The following KCNA4 variants were observed in gnomAD, a reference collection of about 807,000 sequenced individuals.
The protein encoded by KCNA4 is potassium voltage-gated channel subfamily A member 4.
Under a neutral mutation model 37.2 loss-of-function variants are expected in KCNA4, and 5 were observed. The ratio of observed to expected loss-of-function variants is 0.13; its 90% confidence interval spans 0.07 to 0.28. KCNA4 has a LOEUF of 0.28. Ranked by LOEUF, KCNA4 falls within the 10% of genes least tolerant of loss-of-function variation. The pLI is 1.00. For missense variants in KCNA4, 634 were observed against 817.4 expected, an observed-to-expected ratio of 0.78 and a Z score of 2.74; for synonymous variants, 350 against 311.8, an observed-to-expected ratio of 1.12 and a Z score of -1.29.
In KCNA4 at chr11:30,011,214, C is replaced by A; in HGVS notation, c.1465G>T (p.Val489Phe). 6.2e-7 allele frequency: 1 copy of A among 1,614,116 alleles called. No individual in the cohort carries two copies. The highest frequency in any genetic ancestry group is 8.5e-7 in the Non-Finnish European group (1 of 1,180,024). Reference protein sequence around the residue: ...GLLIFFLFIGVILFSSAVYFA... With the variant: ...GLLIFFLFIGFILFSSAVYFA... ...TACACAGCACTAGAAAAGAGGATGA[C>A]CCCAATGAAGAGGAAGAAGATCAGA... Residue 489 changes from valine (V) to phenylalanine (F), a missense_variant, in exon 2 of 2, where the codon GTC becomes TTC. Around this residue, in one of 8 missense-constraint regions of KCNA4, gnomAD observed 19 missense variants for 56.6 expected, o/e 0.34. Transcript: ENST00000328224. The surrounding 1 kb of genome is among the most constrained non-coding windows in gnomAD (Gnocchi z 5.6).
chr11:30,012,644 C>G lies in KCNA4; in HGVS notation c.35G>C (p.Gly12Ala). The change falls in exon 2 of 2, where the codon GGG (glycine) becomes GCG (alanine). Residue 12 changes from glycine (G) to alanine (A), a missense_variant. This residue lies in a region of KCNA4 where 236 missense variants were observed against 229.5 expected (regional missense o/e 1.03). Coordinates refer to ENST00000328224, the MANE Select transcript of KCNA4 (RefSeq NM_002233.4). ...ACCATAAGGCATGTGACTGTTGCAC[C>G]CTGAGCTCTCCGCACTCACCATTGC... is the stretch of plus-strand genomic sequence containing the variant. ...EVAMVSAESS[G>A]CNSHMPYGYA... 1 of 1,585,846 alleles carries G rather than the reference C, an allele frequency of 6.3e-7. No individual in the cohort carries two copies. Among genetic ancestry groups the G allele is most frequent in the Non-Finnish European group, 8.6e-7 (1 of 1,163,410 alleles).
At chr11:30,014,129 C>T (rs1850330944) in intron 1 of KCNA4, among the ~76,000 whole-genome samples, 1 of 152,138 alleles carries the variant, frequency 6.6e-6, no homozygotes, top group Non-Finnish European at 1.5e-5. Flanking sequence ...TAAACACTGG[C>T]AGTTATGAAT....
In KCNA4 at chr11:30,014,862, G is replaced by A. The variant is rs187676035; in HGVS notation, c.-782-1402C>T. Among the ~76,000 whole-genome samples, 516 of 152,260 alleles carry A rather than the reference G, an allele frequency of 3.4e-3. 5 individuals are homozygous for A. The highest frequency in any genetic ancestry group is 0.012 in the African/African-American group (501 of 41,548). On this transcript the variant is annotated intron_variant, in intron 1 of 1. Coordinates refer to ENST00000328224, the MANE Select transcript of KCNA4 (RefSeq NM_002233.4). ...AGAGAATGATGATAGTCAGAATTCA[G>A]GGCATCTACCAGCTTCTATTACTGG...
At position 30,011,072 on chromosome 11, in the gene KCNA4, C is replaced by T. The variant is rs1170149460; in HGVS notation, c.1607G>A (p.Gly536Glu). The T allele has an allele frequency of 6.2e-7, 1 of 1,614,036 alleles. No individual in the cohort carries two copies. Among genetic ancestry groups the T allele is most frequent in the Non-Finnish European group, 8.5e-7 (1 of 1,180,042 alleles). The change falls in exon 2 of 2, where the codon GGG becomes GAG. Residue 536 changes from glycine to glutamate, a missense_variant. Physicochemically the swap from Gly to Glu is moderately conservative, Grantham distance 98. This residue lies in a region of KCNA4 where 15 missense variants were observed against 27.3 expected (regional missense o/e 0.55). Coordinates refer to ENST00000328224, the MANE Select transcript of KCNA4 (RefSeq NM_002233.4). This position sits in a 1 kb window ranked among gnomAD's most constrained non-coding sequence, Gnocchi z 5.6. ...GYGDMKPITVGGKIVGSLCAI... is the reference protein window; with the variant it reads ...GYGDMKPITVEGKIVGSLCAI... ...ACACAGGGACCCGACAATCTTGCCC[C>T]CTACAGTGATGGGCTTCATGTCCCC...
Position 30,010,272 on chromosome 11 carries a change from G to C in KCNA4, c.*445C>G. The C allele has an allele frequency of 6.3e-6, 1 of 157,808 alleles. No homozygotes were observed. The highest frequency in any genetic ancestry group is 1.9e-4 in the East Asian group (1 of 5,304). 9.8% of individuals were successfully genotyped at this position (157,808 alleles called of 1,614,324 possible). Reference sequence around the variant, plus strand: ...ACAACTACAGAATCCAAAGACATACGATATGCTGTTAAAGCACTGATAAAT... The same window carrying C: ...ACAACTACAGAATCCAAAGACATACCATATGCTGTTAAAGCACTGATAAAT... On this transcript the variant is annotated 3_prime_UTR_variant, in exon 2 of 2. Transcript: ENST00000328224.
At position 30,011,614 on chromosome 11, in the gene KCNA4, T is replaced by C; in HGVS notation, c.1065A>G (p.Ser355=). 1 of 1,614,046 alleles carries C rather than the reference T, an allele frequency of 6.2e-7. No homozygotes were observed. The part of the protein sequence containing the change: ...GGHGGLLNDT[S]APHLENSGHT... ...GCCCTGAGTTCTCCAGATGGGGTGC[T>C]GAAGTATCATTCAACAACCCACCAT... is the stretch of plus-strand genomic sequence containing the variant. The change falls in exon 2 of 2, where the codon TCA becomes TCG. Residue 355 remains serine, a synonymous_variant. Transcript: ENST00000328224. This position sits in a 1 kb window ranked among gnomAD's most constrained non-coding sequence, Gnocchi z 5.6.
intron 1 of KCNA4, among the ~76,000 whole-genome samples, chr11:30,014,653 C>T (rs913513192): frequency 2.6e-5 from 4 of 152,042 alleles, no homozygotes; most frequent in Non-Finnish European, 4.4e-5. Flanking sequence ...GATCTGCTCC[C>T]TCTGTCACCT....
chr11:30,015,122 A>C (rs1850339495), intron 1 of KCNA4, among the ~76,000 whole-genome samples: 1 of 152,114 alleles, frequency 6.6e-6, no homozygotes, highest in South Asian at 2.1e-4. Flanking sequence ...CAAACTCCAG[A>C]AAATACACCA....
rs1850357991 is a variant in KCNA4, at chr11:30,016,907, A to T, written c.-1118T>A. The T allele has an allele frequency of 2.5e-6, 1 of 398,800 alleles. No homozygotes were observed. Among genetic ancestry groups the T allele is most frequent in the Non-Finnish European group, 4.4e-6 (1 of 226,334 alleles). The allele number at this position is 398,800 out of a possible 1,614,324, so 24.7% of individuals were successfully genotyped here. On this transcript the variant is annotated 5_prime_UTR_variant, in exon 1 of 2. Coordinates refer to ENST00000328224, the MANE Select transcript of KCNA4 (RefSeq NM_002233.4). ...AGGAAGTCAAGGTTCCCCCGAAAAG[A>T]AACAAAATCCTAGACAGCAGCGATC... is the stretch of plus-strand genomic sequence containing the variant.
At position 30,010,475 on chromosome 11, in the gene KCNA4, A is replaced by C. The variant is rs1247296731; in HGVS notation, c.*242T>G. ...ACATCTTTTCCAGTTAATGTGCAAA[A>C]TTCTTGCATTCTAATAAAAATATAA... On this transcript the variant is annotated 3_prime_UTR_variant, in exon 2 of 2. Transcript: ENST00000328224. The C allele has an allele frequency of 1.9e-5, 11 of 581,390 alleles. No individual in the cohort carries two copies. Among genetic ancestry groups the C allele is most frequent in the Non-Finnish European group, 3.0e-5 (11 of 363,996 alleles). 36.0% of individuals were successfully genotyped at this position (581,390 alleles called of 1,614,324 possible). A position where few individuals can be genotyped will look rare whatever the true frequency, so the allele number is the denominator to read the frequency against.
Position 30,016,889 on chromosome 11 carries a change from C to T in KCNA4, c.-1100G>A, listed in dbSNP as rs1850357776. On this transcript the variant is annotated 5_prime_UTR_variant, in exon 1 of 2. Transcript: ENST00000328224. Reference sequence around the variant, plus strand: ...GGAGGGATTGCCTGGGAAAGGAAGTCAAGGTTCCCCCGAAAAGAAACAAAA... The same window carrying T: ...GGAGGGATTGCCTGGGAAAGGAAGTTAAGGTTCCCCCGAAAAGAAACAAAA... 2.5e-6 allele frequency: 1 copy of T among 398,566 alleles called. No individual in the cohort carries two copies. The highest frequency in any genetic ancestry group is 4.4e-5 in the Admixed American group (1 of 22,724). 24.7% of individuals were successfully genotyped at this position (398,566 alleles called of 1,614,324 possible). A position where few individuals can be genotyped will look rare whatever the true frequency, so the allele number is the denominator to read the frequency against.
chr11:30,014,676 CCTT>C (rs1471474191), intron 1 of KCNA4, among the ~76,000 whole-genome samples: 2 of 152,018 alleles, frequency 1.3e-5, no homozygotes, highest in South Asian at 2.1e-4. Flanking sequence ...TATTCCTGGC[CCTT>C]CTTCTTCCTT....
chr11:30,011,719 G>A lies in KCNA4; in HGVS notation c.960C>T (p.Ser320=). 1.2e-6 allele frequency: 2 copies of A among 1,614,092 alleles called. No homozygotes were observed. Among genetic ancestry groups the A allele is most frequent in the Non-Finnish European group, 1.7e-6 (2 of 1,180,014 alleles). The change falls in exon 2 of 2, where the codon TCC becomes TCT. Residue 320 remains serine (S), a synonymous_variant. Transcript: ENST00000328224. The surrounding 1 kb of genome is among the most constrained non-coding windows in gnomAD (Gnocchi z 5.6). ...AGGTTTCCAGGCAAAAGATGACAAT[G>A]GAGATTAAGATGACCAGGACGGACA... The part of the protein sequence containing the change: ...AIVSVLVILI[S]IVIFCLETLP...
chr11:30,009,996 A>G lies in KCNA4; in HGVS notation c.*721T>C, dbSNP rs566182945. The G allele has an allele frequency of 6.6e-6, 1 of 152,304 alleles. No homozygotes were observed. Among genetic ancestry groups the G allele is most frequent in the South Asian group, 2.1e-4 (1 of 4,830 alleles). The allele number at this position is 152,304 out of a possible 1,614,324, so 9.4% of individuals were successfully genotyped here. ...AAAGAAAAAAAAATCCAGTCCTGTT[A>G]CCTGCAAACAAAACTTATTACATAT... On this transcript the variant is annotated 3_prime_UTR_variant, in exon 2 of 2. Transcript: ENST00000328224.
rs1406027339 is a variant in KCNA4, at chr11:30,012,471, C to T, written c.208G>A (p.Ala70Thr). ...CTCTGAGGGTCATGGGAGGTACAGGCCCCGCGTGACTGGTGGTGGTGGTGG... is the reference window on the plus strand; with the variant it reads ...CTCTGAGGGTCATGGGAGGTACAGGTCCCGCGTGACTGGTGGTGGTGGTGG... ...GSHHHHQSRG[A>T]CTSHDPQSSR... is the part of the protein sequence containing the mutation. Residue 70 changes from alanine to threonine, a missense_variant, in exon 2 of 2, where the codon GCC becomes ACC. Around this residue, in one of 8 missense-constraint regions of KCNA4, gnomAD observed 236 missense variants for 229.5 expected, o/e 1.03. Coordinates refer to ENST00000328224, the MANE Select transcript of KCNA4 (RefSeq NM_002233.4). The T allele has an allele frequency of 1.2e-6, 2 of 1,611,758 alleles. No individual in the cohort carries two copies. Among genetic ancestry groups the T allele is most frequent in the Non-Finnish European group, 1.7e-6 (2 of 1,179,882 alleles).
At position 30,012,476 on chromosome 11, in the gene KCNA4, C is replaced by T. The variant is rs756447343; in HGVS notation, c.203G>A (p.Arg68His). Reference protein sequence around the residue: ...GGGSHHHHQSRGACTSHDPQS... With the variant: ...GGGSHHHHQSHGACTSHDPQS... ...AGGGTCATGGGAGGTACAGGCCCCG[C>T]GTGACTGGTGGTGGTGGTGGGAGCC... Residue 68 changes from arginine (R) to histidine (H), a missense_variant, in exon 2 of 2, where the codon CGC becomes CAC. Physicochemically the swap from Arg to His is conservative, Grantham distance 29. This residue lies in a region of KCNA4 where 236 missense variants were observed against 229.5 expected (regional missense o/e 1.03). Transcript: ENST00000328224. The T allele has an allele frequency of 5.0e-6, 8 of 1,611,498 alleles. No individual in the cohort carries two copies. The highest frequency in any genetic ancestry group is 4.5e-5 in the East Asian group (2 of 44,826).
rs890564014 is a variant in KCNA4, at chr11:30,016,714, G to A, written c.-925C>T. On this transcript the variant is annotated 5_prime_UTR_variant, in exon 1 of 2. Transcript: ENST00000328224. ...GTGGTAAAAGGAATCACTCGGGTTT[G>A]GCAGGTGGAGGCTCCAAATATCCAC... 1 of 352,856 alleles carries A rather than the reference G, an allele frequency of 2.8e-6. No individual in the cohort carries two copies. The highest frequency in any genetic ancestry group is 2.1e-5 in the African/African-American group (1 of 47,154). The allele number at this position is 352,856 out of a possible 1,614,324, so 21.9% of individuals were successfully genotyped here.
At position 30,010,572 on chromosome 11, in the gene KCNA4, T is replaced by C; in HGVS notation, c.*145A>G. The C allele has an allele frequency of 8.4e-7, 1 of 1,186,802 alleles. No homozygotes were observed. Among genetic ancestry groups the C allele is most frequent in the Non-Finnish European group, 1.1e-6 (1 of 898,804 alleles). 73.5% of individuals were successfully genotyped at this position (1,186,802 alleles called of 1,614,324 possible). On this transcript the variant is annotated 3_prime_UTR_variant, in exon 2 of 2. Transcript: ENST00000328224. Reference sequence around the variant, plus strand: ...TATTTGATATGTAATACAAGTTTAGTAACAATTATGCCATGTATAACCATT... The same window carrying C: ...TATTTGATATGTAATACAAGTTTAGCAACAATTATGCCATGTATAACCATT...
chr11:30,016,922 C>G lies in KCNA4; in HGVS notation c.-1133G>C, dbSNP rs536856510. ...CCCCGAAAAGAAACAAAATCCTAGA[C>G]AGCAGCGATCACTTGTTAAGCCCGA... On this transcript the variant is annotated 5_prime_UTR_variant, in exon 1 of 2. Transcript: ENST00000328224. The G allele has an allele frequency of 2.5e-6, 1 of 398,958 alleles. No homozygotes were observed. Among genetic ancestry groups the G allele is most frequent in the African/African-American group, 2.1e-5 (1 of 48,766 alleles). The allele number at this position is 398,958 out of a possible 1,614,324, so 24.7% of individuals were successfully genotyped here.
Sources: allele counts gnomAD v4.1 joint callset (sites outside exome capture counted in the v4.1 genomes callset), GRCh38; gene constraint gnomAD v4.1.1; regional missense constraint gnomAD v4.1.1; non-coding constraint Gnocchi (gnomAD v3.1); transcripts MANE v1.5; gene names NCBI Gene and HGNC (gene_info 2026-07-23, HGNC 2026-07-21).